DCDC1: variants seen among roughly 807,000 people sequenced by gnomAD.
DCDC1 encodes the protein doublecortin domain containing 1.
A neutral mutation model predicts 178.3 loss-of-function variants in DCDC1; 200 were observed. That is an observed-to-expected ratio of 1.12 (90% CI 1.00 to 1.26). The LOEUF (loss-of-function observed/expected upper bound fraction) is 1.26, where lower values mean the gene tolerates loss of function less well. Among genes scored for constraint, DCDC1 ranks in the 50% most tolerant of loss-of-function variants. The pLI, the probability that DCDC1 is intolerant of heterozygous loss-of-function variation, is 0.00. For missense variants in DCDC1, 1,983 were observed against 1,749.2 expected, an observed-to-expected ratio of 1.13 and a Z score of -2.38; for synonymous variants, 690 against 604.8, an observed-to-expected ratio of 1.14 and a Z score of -2.07.
At position 31,150,524 on chromosome 11, in the gene DCDC1, G is replaced by A. The variant is rs148934845; in HGVS notation, c.1222-12740C>T. Among the ~76,000 whole-genome samples the A allele has an allele frequency of 2.1e-3, 323 of 152,162 alleles. 1 individual carries two copies. Among genetic ancestry groups the A allele is most frequent in the Middle Eastern group, 3.4e-3 (1 of 294 alleles). On this transcript the variant is annotated intron_variant, in intron 9 of 38. Coordinates refer to ENST00000684477, the MANE Select transcript of DCDC1 (RefSeq NM_001387274.1). ...TGAGGCTATGATAAGTAGTATAACC[G>A]TCTTTCTTTTTAATTTATATCAGCT...
At chr11:31,201,950 T>C (rs413067) in intron 9 of DCDC1, among the ~76,000 whole-genome samples, 45,755 of 152,100 alleles carry the variant, frequency 0.3, 8,331 homozygotes, top group East Asian at 0.63. Flanking sequence ...AGGTTTTTTT[T>C]CTTGTGTGCT....
intron 8 of DCDC1, among the ~76,000 whole-genome samples, chr11:31,245,289 G>C (rs1184352426): frequency 6.7e-6 from 1 of 150,082 alleles, no homozygotes; most frequent in Admixed American, 6.7e-5. Flanking sequence ...TTTGGAGTTT[G>C]AAGTCACGAT....
chr11:31,330,239 A>T (rs1949894329), intron 2 of DCDC1, among the ~76,000 whole-genome samples: 1 of 84,040 alleles, frequency 1.2e-5, no homozygotes, highest in Non-Finnish European at 2.4e-5. Context: ...CCACTTTTTG[A>T]TGGGGTTGGT....
intron 27 of DCDC1, among the ~76,000 whole-genome samples, chr11:30,914,889 T>C (rs999889345): frequency 3.9e-5 from 6 of 152,190 alleles, no homozygotes; most frequent in African/African-American, 1.4e-4. Context: ...ACAAAATTAA[T>C]AGGACTTCCT....
At chr11:30,890,455 C>T (rs75456657) in intron 36 of DCDC1, among the ~76,000 whole-genome samples, 3,731 of 152,284 alleles carry the variant, frequency 0.025, 129 homozygotes, top group African/African-American at 0.084. Flanking sequence ...CTGATTGATT[C>T]CTCTGTAGAG....
intron 1 of DCDC1, among the ~76,000 whole-genome samples, chr11:31,347,039 G>T (rs1591823379): frequency 6.6e-6 from 1 of 152,260 alleles, no homozygotes; most frequent in South Asian, 2.1e-4. Flanking sequence ...AAATGTACAG[G>T]AGAGTATATG....
chr11:31,131,314 G>T (rs909159143), intron 10 of DCDC1, among the ~76,000 whole-genome samples: 2 of 152,120 alleles, frequency 1.3e-5, no homozygotes, highest in African/African-American at 2.4e-5. Flanking sequence ...ATGTGAAAAA[G>T]AAAAGAATGG....
chr11:31,264,253 T>C (rs1406029998), intron 8 of DCDC1, among the ~76,000 whole-genome samples: 1 of 152,162 alleles, frequency 6.6e-6, no homozygotes, highest in Non-Finnish European at 1.5e-5. Flanking sequence ...GAGAGTGATA[T>C]AGGATTCATT....
chr11:31,185,684 C>G (rs1413122683), intron 9 of DCDC1, among the ~76,000 whole-genome samples: 1 of 152,154 alleles, frequency 6.6e-6, no homozygotes, highest in Admixed American at 6.5e-5. Flanking sequence ...ATGCCAATCA[C>G]AAAGTTATAT....
At chr11:30,939,247 T>A (rs1290213550) in intron 21 of DCDC1, among the ~76,000 whole-genome samples, 1 of 152,124 alleles carries the variant, frequency 6.6e-6, no homozygotes, top group African/African-American at 2.4e-5. Flanking sequence ...ATGGCTTCAG[T>A]GGGGAGCTGG....
intron 38 of DCDC1, among the ~76,000 whole-genome samples, chr11:30,868,285 C>G (rs1015367151): frequency 2.8e-5 from 3 of 106,662 alleles, no homozygotes; most frequent in Non-Finnish European, 5.2e-5. Context: ...GAGTCTTACT[C>G]TGTTGCCCAG....
rs764676878 is a variant in DCDC1, at chr11:31,244,604, C to A, written c.1055-2988G>T. 2.0e-5 allele frequency among the ~76,000 whole-genome samples: 3 copies of A among 151,806 alleles called. No individual in the cohort carries two copies. The South Asian group carries it at 6.2e-4, about 32-fold the overall frequency. On this transcript the variant is annotated intron_variant, in intron 8 of 38. Coordinates refer to ENST00000684477, the MANE Select transcript of DCDC1 (RefSeq NM_001387274.1). ...TTATTACAGGTGTTCTACCTAGTTTCTTCTGTTTGCATGATTGTGGTAAGA... is the reference window on the plus strand; with the variant it reads ...TTATTACAGGTGTTCTACCTAGTTTATTCTGTTTGCATGATTGTGGTAAGA...
chr11:31,271,447 A>G (rs1400312602), intron 7 of DCDC1, among the ~76,000 whole-genome samples: 2 of 152,092 alleles, frequency 1.3e-5, no homozygotes, highest in South Asian at 2.1e-4. Flanking sequence ...TACCTACCTG[A>G]TATCTCCCTC....
At chr11:31,151,024 G>A (rs996618942) in intron 9 of DCDC1, among the ~76,000 whole-genome samples, 1 of 152,132 alleles carries the variant, frequency 6.6e-6, no homozygotes, top group Non-Finnish European at 1.5e-5. Context: ...AAGAGAAAAG[G>A]GTGGGATACT....
At chr11:31,002,458 G>C (rs1951628255) in intron 20 of DCDC1, among the ~76,000 whole-genome samples, 1 of 152,152 alleles carries the variant, frequency 6.6e-6, no homozygotes, top group Non-Finnish European at 1.5e-5. Flanking sequence ...TCAAGAAAGA[G>C]CCCTCCAATA....
At chr11:31,230,757 T>G (rs1975659240) in intron 9 of DCDC1, among the ~76,000 whole-genome samples, 2 of 152,234 alleles carry the variant, frequency 1.3e-5, no homozygotes, top group African/African-American at 4.8e-5. Context: ...AAATTTTTTA[T>G]CATTAGCTTA....
intron 21 of DCDC1, among the ~76,000 whole-genome samples, chr11:30,941,860 G>A (rs908132705): frequency 1.3e-5 from 2 of 152,150 alleles, no homozygotes; most frequent in Non-Finnish European, 2.9e-5. Context: ...TAGGAGAAAA[G>A]CAGTATAAAT....
In DCDC1 at chr11:31,091,446, G is replaced by A; in HGVS notation, c.2184C>T (p.Val728=). 1 of 762,028 alleles carries A rather than the reference G, an allele frequency of 1.3e-6. No homozygotes were observed. Among genetic ancestry groups the A allele is most frequent in the Non-Finnish European group, 2.4e-6 (1 of 415,944 alleles). The allele number at this position is 762,028 out of a possible 1,614,324, so 47.2% of individuals were successfully genotyped here. A position where few individuals can be genotyped will look rare whatever the true frequency, so the allele number is the denominator to read the frequency against. Reference sequence around the variant, plus strand: ...CTAGTGATGTTCCCTCAGCAGCCTTGACTCTGATAGGATGACCAATAGCCA... The same window carrying A: ...CTAGTGATGTTCCCTCAGCAGCCTTAACTCTGATAGGATGACCAATAGCCA... The part of the protein sequence containing the change: ...GCLAIGHPIR[V]KAAEGTSLEG... Residue 728 remains valine (V), a synonymous_variant, in exon 17 of 39, where the codon GTC becomes GTT. Transcript: ENST00000684477.
intron 19 of DCDC1, 115 bp from the exon 20 acceptor site, chr11:31,064,741 A>C: frequency 1.6e-6 from 1 of 642,914 alleles, no homozygotes; most frequent in East Asian, 2.6e-5. Context: ...GTGTTTCTAC[A>C]ACACATAAGT....
Sources: allele counts gnomAD v4.1 joint callset (sites outside exome capture counted in the v4.1 genomes callset), GRCh38; gene constraint gnomAD v4.1.1; transcripts MANE v1.5; gene names NCBI Gene and HGNC (gene_info 2026-07-23, HGNC 2026-07-21).